RTF2: variants seen among roughly 807,000 people sequenced by gnomAD.
RTF2 encodes the protein UPF0549 protein C20orf43.
RTF2 carries 18 observed loss-of-function variants against 38.0 expected under a neutral mutation model. That is an observed-to-expected ratio of 0.47 (90% CI 0.33 to 0.70). The LOEUF is 0.70. RTF2 is among the 30% of genes least tolerant of loss of function. RTF2 has a pLI of 0.02. For missense variants in RTF2, 311 were observed against 379.6 expected (o/e 0.82, Z 1.50); for synonymous variants, 126 against 137.1 (o/e 0.92, Z 0.57).
intron 5 of RTF2, among the ~76,000 whole-genome samples, chr20:56,492,019 C>A (rs1025409016): frequency 6.6e-6 from 1 of 152,074 alleles, no homozygotes; most frequent in African/African-American, 2.4e-5. Flanking sequence ...TTGTTAGTTA[C>A]TGCTTTAGGT....
intron 6 of RTF2, chr20:56,515,579 G>GAA (rs1984973399): frequency 1.1e-5 from 1 of 93,726 alleles, no homozygotes; most frequent in Non-Finnish European, 2.2e-5. Context: ...CTCAGACAGA[G>GAA]AGAGAGAGAG....
intron 1 of RTF2, among the ~76,000 whole-genome samples, chr20:56,470,092 AAT>A (rs1454991730): frequency 6.6e-6 from 1 of 152,210 alleles, no homozygotes; most frequent in African/African-American, 2.4e-5. Flanking sequence ...TCAGCCACAT[AAT>A]AGACACCTAA....
chr20:56,476,435 G>A (rs1032115780), intron 3 of RTF2, among the ~76,000 whole-genome samples: 10 of 151,730 alleles, frequency 6.6e-5, no homozygotes, highest in Non-Finnish European at 1.2e-4. Flanking sequence ...TTAAAAAGAT[G>A]TGGATAGTAG....
chr20:56,510,694 C>T (rs1984598336), intron 5 of RTF2, among the ~76,000 whole-genome samples: 2 of 152,324 alleles, frequency 1.3e-5, no homozygotes, highest in South Asian at 4.1e-4. Context: ...AATCCCAACA[C>T]TTTGGGAGGT....
chr20:56,507,648 G>A (rs537417296), intron 5 of RTF2, among the ~76,000 whole-genome samples: 4 of 152,222 alleles, frequency 2.6e-5, no homozygotes, highest in East Asian at 3.9e-4. Context: ...CAACACTGTC[G>A]GAAGGAGGGG....
intron 1 of RTF2, chr20:56,470,830 A>T: frequency 2.7e-6 from 1 of 363,892 alleles, no homozygotes; most frequent in South Asian, 2.0e-5. Context: ...ATGCCAGGAG[A>T]GTTACCCCAA....
chr20:56,470,857 C>T, intron 1 of RTF2: 1 of 328,128 alleles, frequency 3.0e-6, no homozygotes, highest in Non-Finnish European at 6.2e-6. Flanking sequence ...GAGGACAGCC[C>T]TGCACTTGGG....
Position 56,507,087 on chromosome 20 carries a change from A to G in RTF2, c.478-6228A>G, listed in dbSNP as rs535058601. 2.6e-5 allele frequency among the ~76,000 whole-genome samples: 4 copies of G among 152,296 alleles called. No homozygotes were observed. In the South Asian group the frequency reaches 8.3e-4, roughly 32 times the overall value. On this transcript the variant is annotated intron_variant, in intron 5 of 8. Coordinates refer to ENST00000357348, the MANE Select transcript of RTF2 (RefSeq NM_016407.5). ...AGGATGAAGATACAGTTTTAAATGG[A>G]TGTATAATTTCTACCGTACAATAGC...
intron 1 of RTF2, chr20:56,470,996 CGG>C (rs976094702): frequency 4.5e-6 from 1 of 219,832 alleles, no homozygotes; most frequent in Non-Finnish European, 9.7e-6. Flanking sequence ...TCAAACTGGG[CGG>C]GGGGATCGTG....
At chr20:56,515,501 G>A (rs1407445588) in intron 6 of RTF2, among the ~76,000 whole-genome samples, 6 of 152,184 alleles carry the variant, frequency 3.9e-5, no homozygotes, top group Middle Eastern at 3.4e-3. Flanking sequence ...GAACTTGGGA[G>A]GCGGAGGTTG....
chr20:56,507,159 G>C (rs559436749), intron 5 of RTF2, among the ~76,000 whole-genome samples: 2 of 152,298 alleles, frequency 1.3e-5, no homozygotes, highest in South Asian at 2.1e-4. Context: ...GTGATTTTCT[G>C]TTGGTATAAT....
At chr20:56,485,543 G>A (rs1272106250) in intron 5 of RTF2, among the ~76,000 whole-genome samples, 2 of 152,218 alleles carry the variant, frequency 1.3e-5, no homozygotes, top group South Asian at 2.1e-4. Context: ...GGAGGACTGG[G>A]TGGCTCCCGT....
rs756592397 is a variant in RTF2, at chr20:56,513,353, C to T, written c.516C>T (p.Leu172=). The T allele has an allele frequency of 3.7e-6, 6 of 1,608,360 alleles. 1 individual carries two copies. Among genetic ancestry groups the T allele is most frequent in the East Asian group, 2.2e-5 (1 of 44,764 alleles). The change falls in exon 6 of 9, where the codon CTC becomes CTT. Residue 172 remains leucine, a synonymous_variant. Coordinates refer to ENST00000357348, the MANE Select transcript of RTF2 (RefSeq NM_016407.5). ...AAFQEDDVIM[L]NGTKEDVDVL... is the part of the protein sequence containing the mutation. The stretch of plus-strand genomic sequence containing the variant: ...TCCAGGAGGATGATGTCATCATGCT[C>T]AATGGCACCAAGGAGGATGTGGACG...
intron 5 of RTF2, among the ~76,000 whole-genome samples, chr20:56,500,521 C>A (rs1983859882): frequency 6.6e-6 from 1 of 152,080 alleles, no homozygotes; most frequent in South Asian, 2.1e-4. Flanking sequence ...GAAGAGAGGC[C>A]CCAAGGGTAG....
chr20:56,517,168 G>A lies in RTF2; in HGVS notation c.709G>A (p.Glu237Lys), dbSNP rs1985098270. 1 of 1,614,178 alleles carries A rather than the reference G, an allele frequency of 6.2e-7. No homozygotes were observed. The highest frequency in any genetic ancestry group is 1.3e-5 in the African/African-American group (1 of 75,050). ...TGAAGAAGCCAGCCTTGATTCTAGA[G>A]AGAAGAAAACCAACTTGGCTCCCAA... ...KPEEASLDSR[E>K]KKTNLAPKST... Residue 237 changes from glutamate (E) to lysine (K), a missense_variant, in exon 8 of 9, where the codon GAG becomes AAG. By Grantham distance (56) the Glu-to-Lys change is moderately conservative. Coordinates refer to ENST00000357348, the MANE Select transcript of RTF2 (RefSeq NM_016407.5).
At chr20:56,491,459 G>A (rs1983119444) in intron 5 of RTF2, 1 of 774,750 alleles carries the variant, frequency 1.3e-6, no homozygotes, top group African/African-American at 1.7e-5. Context: ...TTTAGGAATA[G>A]TTTGTATCAA....
chr20:56,476,521 C>T (rs1363161526), intron 3 of RTF2, among the ~76,000 whole-genome samples: 6 of 125,010 alleles, frequency 4.8e-5, no homozygotes, highest in East Asian at 5.0e-4. Context: ...TTTTTTGAGA[C>T]GGAGTTTTGC....
At chr20:56,490,696 A>G (rs901879932) in intron 5 of RTF2, among the ~76,000 whole-genome samples, 11 of 152,180 alleles carry the variant, frequency 7.2e-5, no homozygotes, top group Non-Finnish European at 1.5e-4. Context: ...GCATGCCTGT[A>G]ATTCCAGCTA....
At chr20:56,493,124 C>T (rs912588338) in intron 5 of RTF2, among the ~76,000 whole-genome samples, 7 of 152,000 alleles carry the variant, frequency 4.6e-5, no homozygotes, top group Non-Finnish European at 7.4e-5. Context: ...TGCAGTGAGC[C>T]GAGATTGCAC....
Sources: gnomAD v4.1 joint callset for allele counts (sites outside exome capture counted in the v4.1 genomes callset) on GRCh38, gnomAD v4.1.1 for gene constraint, MANE v1.5 for transcripts, NCBI Gene and HGNC (gene_info 2026-07-23, HGNC 2026-07-21) for gene names.